The following TTC22 variants were observed in gnomAD, a reference collection of about 807,000 sequenced individuals.
The protein encoded by TTC22 is tetratricopeptide repeat protein 22.
Under a neutral mutation model 48.2 loss-of-function variants are expected in TTC22, and 42 were observed. That is an observed-to-expected ratio of 0.87 (90% CI 0.68 to 1.13). The LOEUF is 1.13. TTC22 is among the 50% of genes most tolerant of loss of function. The probability of loss-of-function intolerance (pLI) is 0.00; values close to 1 mark genes in which losing one functional copy is unlikely to be tolerated. For synonymous variants in TTC22, 345 were observed against 365.5 expected (o/e 0.94, Z 0.64); for missense variants, 784 against 807.0 (o/e 0.97, Z 0.34).
intron 1 of TTC22, among the ~76,000 whole-genome samples, chr1:54,797,629 CAAAG>C (rs903284437): frequency 5.3e-5 from 8 of 151,424 alleles, no homozygotes; most frequent in Non-Finnish European, 7.4e-5. Flanking sequence ...GACTCAGTCT[CAAAG>C]AAAGAAAGAA....
chr1:54,789,772 G>T (rs1021590115), intron 1 of TTC22, among the ~76,000 whole-genome samples: 1 of 152,238 alleles, frequency 6.6e-6, no homozygotes, highest in African/African-American at 2.4e-5. Flanking sequence ...GAGGTATCCT[G>T]TATAATCCAG....
chr1:54,790,754 G>T (rs937882034), intron 1 of TTC22, among the ~76,000 whole-genome samples: 1 of 150,230 alleles, frequency 6.7e-6, no homozygotes, highest in Non-Finnish European at 1.5e-5. Context: ...GGTGCCTCAG[G>T]CTTCCTGGCT....
chr1:54,798,093 G>A (rs567381254), intron 1 of TTC22, among the ~76,000 whole-genome samples: 3 of 152,256 alleles, frequency 2.0e-5, no homozygotes, highest in South Asian at 2.1e-4. Context: ...CATCCTGCTC[G>A]CCATCTGCAT....
Position 54,781,752 on chromosome 1 carries a change from C to T in TTC22, c.1201G>A (p.Val401Met), listed in dbSNP as rs1418329075. The change falls in exon 7 of 7, where the codon GTG (valine) becomes ATG (methionine). Residue 401 changes from valine (V) to methionine (M), a missense_variant. Physicochemically the swap from Val to Met is conservative, Grantham distance 21. Coordinates refer to ENST00000371276, the MANE Select transcript of TTC22 (RefSeq NM_001114108.2). Reference protein sequence around the residue: ...QVYYYMGVDAVQELLAVDEAA... With the variant: ...QVYYYMGVDAMQELLAVDEAA... The stretch of plus-strand genomic sequence containing the variant: ...TCGTCCACCGCCAGCAGCTCCTGCA[C>T]CGCGTCCACGCCCATATAGTAGTAG... The T allele has an allele frequency of 1.3e-6, 2 of 1,499,448 alleles. No homozygotes were observed. Among genetic ancestry groups the T allele is most frequent in the South Asian group, 2.5e-5 (2 of 78,982 alleles). 92.9% of individuals were successfully genotyped at this position (1,499,448 alleles called of 1,614,324 possible). A position where few individuals can be genotyped will look rare whatever the true frequency, so the allele number is the denominator to read the frequency against.
chr1:54,794,901 A>C (rs1316891728), intron 1 of TTC22: 2 of 152,336 alleles, frequency 1.3e-5, no homozygotes, highest in Admixed American at 1.3e-4. Flanking sequence ...AAAAGTCACA[A>C]GGTGGCAGGC....
chr1:54,795,239 C>T (rs1479381945), intron 1 of TTC22, among the ~76,000 whole-genome samples: 3 of 152,248 alleles, frequency 2.0e-5, no homozygotes, highest in Non-Finnish European at 4.4e-5. Context: ...CCCCATGTGG[C>T]CTGCCTGCAT....
Position 54,781,857 on chromosome 1 carries a change from A to C in TTC22, c.1174-78T>G, listed in dbSNP as rs180791112. 5.3e-6 allele frequency: 7 copies of C among 1,315,284 alleles called. No homozygotes were observed. The East Asian group carries it at 2.1e-4, about 39-fold the overall frequency. The allele number at this position is 1,315,284 out of a possible 1,614,324, so 81.5% of individuals were successfully genotyped here. On this transcript the variant is annotated intron_variant, in intron 6 of 6. Transcript: ENST00000371276. ...CATTCCCGCCCCACGCTTGCTTTAA[A>C]AAAAAATTCCACTCCTTCACTCATT...
rs1248267013 is a variant in TTC22, at chr1:54,780,490, A to C, written c.*753T>G. On this transcript the variant is annotated 3_prime_UTR_variant, in exon 7 of 7. Coordinates refer to ENST00000371276, the MANE Select transcript of TTC22 (RefSeq NM_001114108.2). ...GCAACAAGAGCGAAACTCCCTCTCA[A>C]AAAAAAAAAAAAAAAAGGGGGGGGG... is the stretch of plus-strand genomic sequence containing the variant. 1 of 83,012 alleles carries C rather than the reference A, an allele frequency of 1.2e-5. No individual in the cohort carries two copies. Among genetic ancestry groups the C allele is most frequent in the Admixed American group, 1.2e-4 (1 of 8,354 alleles). 5.1% of individuals were successfully genotyped at this position (83,012 alleles called of 1,614,324 possible).
intron 5 of TTC22, chr1:54,784,585 TTA>T (rs1465827367): frequency 9.7e-7 from 1 of 1,030,214 alleles, no homozygotes; most frequent in African/African-American, 1.7e-5. Context: ...TAGAGATATT[TTA>T]TTATTTACTA....
chr1:54,785,909 A>G, intron 5 of TTC22, 74 bp downstream of exon 5: 3 of 1,465,808 alleles, frequency 2.0e-6, no homozygotes, highest in Non-Finnish European at 2.8e-6. Flanking sequence ...GGCCCTGGCA[A>G]CAGGGTCTTG....
chr1:54,797,653 T>G (rs562419457), intron 1 of TTC22, among the ~76,000 whole-genome samples: 96 of 151,936 alleles, frequency 6.3e-4, no homozygotes, highest in Non-Finnish European at 1.2e-3. Context: ...AAGAAAGAAA[T>G]GGTAGGGAAT....
Position 54,782,361 on chromosome 1 carries a change from C to T in TTC22, c.1137G>A (p.Val379=). The T allele has an allele frequency of 6.4e-7, 1 of 1,550,456 alleles. No homozygotes were observed. Among genetic ancestry groups the T allele is most frequent in the East Asian group, 2.4e-5 (1 of 40,878 alleles). Reference sequence around the variant, plus strand: ...CCAGGTACGCCTTGAAGCCTGGGCACACCCTGACCACTTCCTCAAGGTCAG... The same window carrying T: ...CCAGGTACGCCTTGAAGCCTGGGCATACCCTGACCACTTCCTCAAGGTCAG... ...AKADLEEVVR[V]CPGFKAYLDI... The change falls in exon 6 of 7, where the codon GTG becomes GTA. Residue 379 remains valine (V), a synonymous_variant. Transcript: ENST00000371276.
intron 5 of TTC22, chr1:54,785,480 TC>T (rs1409437895): frequency 2.3e-6 from 1 of 426,258 alleles, no homozygotes; most frequent in Admixed American, 2.6e-5. Flanking sequence ...TAGAAGGGAT[TC>T]CTGCAGTGAG....
intron 1 of TTC22, among the ~76,000 whole-genome samples, chr1:54,798,291 T>C (rs978331329): frequency 3.9e-5 from 6 of 152,188 alleles, no homozygotes; most frequent in Admixed American, 3.9e-4. Context: ...TGCACCATGC[T>C]CCTGCTGGGT....
At chr1:54,786,838 T>C (rs753225935) in intron 4 of TTC22, 119 bp downstream of exon 4, 3 of 491,278 alleles carry the variant, frequency 6.1e-6, no homozygotes, top group Non-Finnish European at 1.1e-5. Flanking sequence ...GTAAGTGTAC[T>C]TCCTGGGTGG....
chr1:54,785,692 A>C, intron 5 of TTC22: 1 of 417,026 alleles, frequency 2.4e-6, no homozygotes, highest in Non-Finnish European at 4.5e-6. Context: ...GTGCACCTGT[A>C]GTCCCAGCTA....
At chr1:54,790,809 T>C (rs1646344755) in intron 1 of TTC22, among the ~76,000 whole-genome samples, 1 of 152,138 alleles carries the variant, frequency 6.6e-6, no homozygotes, top group Admixed American at 6.6e-5. Flanking sequence ...TCTTTCTTCT[T>C]CTTCTTTTTC....
chr1:54,793,705 G>T (rs1450273374), intron 1 of TTC22, among the ~76,000 whole-genome samples: 1 of 152,136 alleles, frequency 6.6e-6, no homozygotes, highest in African/African-American at 2.4e-5. Flanking sequence ...ATTAATAATA[G>T]CAACTTTTGA....
intron 3 of TTC22, chr1:54,787,404 G>C (rs1209469123): frequency 5.4e-6 from 3 of 558,402 alleles, no homozygotes; most frequent in Admixed American, 3.3e-5. Flanking sequence ...AAAATGACTC[G>C]ACTCCTCTCC....
Sources: allele counts gnomAD v4.1 joint callset (sites outside exome capture counted in the v4.1 genomes callset), GRCh38; gene constraint gnomAD v4.1.1; transcripts MANE v1.5; gene names NCBI Gene and HGNC (gene_info 2026-07-23, HGNC 2026-07-21).